Variants in FAM81B observed in about 807,000 individuals in gnomAD.
The protein encoded by FAM81B is family with sequence similarity 81 member B, also known as protein FAM81B.
A neutral mutation model predicts 58.7 loss-of-function variants in FAM81B; 60 were observed. The observed-to-expected ratio is 1.02, with a 90% CI of 0.83 to 1.27. The LOEUF (loss-of-function observed/expected upper bound fraction) is 1.27. Among genes scored for constraint, FAM81B ranks in the 50% most tolerant of loss-of-function variants. The pLI, the probability that FAM81B is intolerant of heterozygous loss-of-function variation, is 0.00. For missense variants in FAM81B, 491 were observed against 522.0 expected (o/e 0.94, Z 0.58); for synonymous variants, 189 against 179.6 (o/e 1.05, Z -0.42).
At chr5:95,401,603 G>T (rs1582785396) in intron 3 of FAM81B, among the ~76,000 whole-genome samples, 1 of 151,506 alleles carries the variant, frequency 6.6e-6, no homozygotes, top group East Asian at 1.9e-4. Flanking sequence ...TTTTTTGTAG[G>T]ACTCTCTGCA....
chr5:95,427,756 C>T (rs997411858), intron 5 of FAM81B, among the ~76,000 whole-genome samples: 2 of 152,210 alleles, frequency 1.3e-5, no homozygotes, highest in East Asian at 1.9e-4. Context: ...AAGATAAAGT[C>T]CTTCAGTGCT....
chr5:95,396,225 G>T, intron 3 of FAM81B, 50 bp downstream of exon 3: 1 of 1,411,650 alleles, frequency 7.1e-7, no homozygotes, highest in South Asian at 1.3e-5. Flanking sequence ...CATTTATTGT[G>T]ACAAATCTCA....
chr5:95,430,901 A>T (rs1481891660), intron 6 of FAM81B, among the ~76,000 whole-genome samples: 1 of 152,094 alleles, frequency 6.6e-6, no homozygotes, highest in Non-Finnish European at 1.5e-5. Flanking sequence ...TATAGGAAAA[A>T]GGCAGTATCT....
intron 6 of FAM81B, among the ~76,000 whole-genome samples, chr5:95,433,107 C>T (rs943897072): frequency 6.6e-6 from 1 of 151,994 alleles, no homozygotes; most frequent in Non-Finnish European, 1.5e-5. Context: ...GGTATTTTCC[C>T]TTAAATAGTT....
At chr5:95,423,227 A>G (rs1028126062) in intron 5 of FAM81B, among the ~76,000 whole-genome samples, 3 of 152,182 alleles carry the variant, frequency 2.0e-5, no homozygotes, top group African/African-American at 7.2e-5. Flanking sequence ...CTACAATGAG[A>G]TTTGAATTTT....
intron 6 of FAM81B, among the ~76,000 whole-genome samples, chr5:95,433,776 C>T (rs1466535200): frequency 6.6e-6 from 1 of 152,092 alleles, no homozygotes; most frequent in Non-Finnish European, 1.5e-5. Context: ...ATTTTTTAGT[C>T]TACTGCTGTC....
At chr5:95,439,371 T>C (rs1178781800) in intron 7 of FAM81B, among the ~76,000 whole-genome samples, 3 of 151,228 alleles carry the variant, frequency 2.0e-5, no homozygotes, top group Non-Finnish European at 4.4e-5. Flanking sequence ...CAATGATGAA[T>C]GTGTTCTCTT....
At chr5:95,414,813 C>T (rs185449349) in intron 4 of FAM81B, among the ~76,000 whole-genome samples, 1 of 152,276 alleles carries the variant, frequency 6.6e-6, no homozygotes, top group African/African-American at 2.4e-5. Context: ...TATAAAATAG[C>T]ACCTCTACCC....
At chr5:95,429,686 G>C (rs920103885) in intron 6 of FAM81B, among the ~76,000 whole-genome samples, 1 of 152,040 alleles carries the variant, frequency 6.6e-6, no homozygotes, top group African/African-American at 2.4e-5. Flanking sequence ...TTTATCTCTG[G>C]TTTTCTGATT....
intron 3 of FAM81B, among the ~76,000 whole-genome samples, chr5:95,406,677 G>A (rs575403632): frequency 1.8e-4 from 27 of 152,182 alleles, no homozygotes; most frequent in Admixed American, 1.3e-3. Flanking sequence ...ACCCACACAC[G>A]CACCAGTTTA....
In FAM81B at chr5:95,450,393, T is replaced by C. The variant is rs1745754163; in HGVS notation, c.*111T>C. The C allele has an allele frequency of 2.7e-6, 4 of 1,506,060 alleles. No homozygotes were observed. Among genetic ancestry groups the C allele is most frequent in the Non-Finnish European group, 3.6e-6 (4 of 1,124,846 alleles). The allele number at this position is 1,506,060 out of a possible 1,614,324, so 93.3% of individuals were successfully genotyped here. ...TGTTTACTGCTTCTAATGTCTCCTTTTAAGGAGACGAATGTACCAGAAAAA... is the reference window on the plus strand; with the variant it reads ...TGTTTACTGCTTCTAATGTCTCCTTCTAAGGAGACGAATGTACCAGAAAAA... On this transcript the variant is annotated 3_prime_UTR_variant, in exon 10 of 10. Coordinates refer to ENST00000283357, the MANE Select transcript of FAM81B (RefSeq NM_152548.3).
At chr5:95,446,829 AC>A in intron 8 of FAM81B, 132 bp downstream of exon 8, 2 of 1,074,560 alleles carry the variant, frequency 1.9e-6, no homozygotes, top group Non-Finnish European at 2.7e-6. Flanking sequence ...TTTTTTAAAC[AC>A]CACAATAGGA....
At chr5:95,410,401 T>C (rs1762376121) in intron 3 of FAM81B, among the ~76,000 whole-genome samples, 1 of 152,152 alleles carries the variant, frequency 6.6e-6, no homozygotes, top group Non-Finnish European at 1.5e-5. Flanking sequence ...TAAACACAGC[T>C]AAACACAACC....
At position 95,440,243 on chromosome 5, in the gene FAM81B, T is replaced by C. The variant is rs192562460; in HGVS notation, c.893+3337T>C. 76 of 706,470 alleles carry C rather than the reference T, an allele frequency of 1.1e-4. 1 individual carries two copies. In the East Asian group the frequency reaches 2.5e-3, roughly 23 times the overall value. 43.8% of individuals were successfully genotyped at this position (706,470 alleles called of 1,614,324 possible). Reference sequence around the variant, plus strand: ...TCGGTCTAGCTGTGAGGCTTGAATATGGAGATAATGCTGAAAAATACAAGG... The same window carrying C: ...TCGGTCTAGCTGTGAGGCTTGAATACGGAGATAATGCTGAAAAATACAAGG... On this transcript the variant is annotated intron_variant, in intron 7 of 9. Transcript: ENST00000283357.
chr5:95,394,636 G>T (rs41121), intron 2 of FAM81B, among the ~76,000 whole-genome samples: 116,632 of 152,074 alleles, frequency 0.77, 44,874 homozygotes, highest in East Asian at 0.85. Flanking sequence ...ATCCATTCTC[G>T]AGGGGAAGAC....
At chr5:95,413,202 C>T (rs778516263) in intron 3 of FAM81B, among the ~76,000 whole-genome samples, 54 of 152,190 alleles carry the variant, frequency 3.5e-4, no homozygotes, top group Non-Finnish European at 8.8e-5. Context: ...CTATGATTTT[C>T]GAAACACTCA....
chr5:95,435,187 C>A (rs189485665), intron 6 of FAM81B, among the ~76,000 whole-genome samples: 19 of 152,340 alleles, frequency 1.2e-4, no homozygotes, highest in African/African-American at 4.6e-4. Context: ...GTAGTCACAG[C>A]CCTTGGCCAA....
chr5:95,439,629 CCT>C (rs1419936683), intron 7 of FAM81B, among the ~76,000 whole-genome samples: 1 of 150,190 alleles, frequency 6.7e-6, no homozygotes, highest in Non-Finnish European at 1.5e-5. Context: ...AATCAGAAGA[CCT>C]CTGTTTCAAT....
At chr5:95,438,570 A>T (rs2152769151) in intron 7 of FAM81B, among the ~76,000 whole-genome samples, 1 of 152,254 alleles carries the variant, frequency 6.6e-6, no homozygotes, top group South Asian at 2.1e-4. Flanking sequence ...GTTAAATCTG[A>T]ATCTGGACAC....
Sources: gnomAD v4.1 joint callset for allele counts (sites outside exome capture counted in the v4.1 genomes callset) on GRCh38, gnomAD v4.1.1 for gene constraint, MANE v1.5 for transcripts, NCBI Gene and HGNC (gene_info 2026-07-23, HGNC 2026-07-21) for gene names.